Variants in GTF2E1 observed in about 807,000 individuals in gnomAD.
GTF2E1 encodes TFIIE alpha subunit.
GTF2E1 carries 14 observed loss-of-function variants against 34.9 expected under a neutral mutation model. That is an observed-to-expected ratio of 0.40 (90% CI 0.27 to 0.63). GTF2E1 has a LOEUF of 0.63. Ranked by LOEUF, GTF2E1 falls within the 20% of genes least tolerant of loss-of-function variation. The pLI, the probability that GTF2E1 is intolerant of heterozygous loss-of-function variation, is 0.39. For synonymous variants in GTF2E1, 188 were observed against 192.9 expected (o/e 0.97, Z 0.21); for missense variants, 469 against 557.7 (o/e 0.84, Z 1.60).
At chr3:120,766,128 C>T (rs760649782) in intron 2 of GTF2E1, among the ~76,000 whole-genome samples, 2 of 152,192 alleles carry the variant, frequency 1.3e-5, no homozygotes, top group Admixed American at 6.5e-5. Flanking sequence ...AATAGCAGCT[C>T]TCTACCAGGT....
intron 2 of GTF2E1, among the ~76,000 whole-genome samples, chr3:120,768,195 T>C (rs1709324744): frequency 6.6e-6 from 1 of 152,170 alleles, no homozygotes; most frequent in Non-Finnish European, 1.5e-5. Context: ...TACGATTGTT[T>C]GGGTGGACAA....
At chr3:120,755,494 A>T (rs1247447518) in intron 2 of GTF2E1, among the ~76,000 whole-genome samples, 2 of 152,088 alleles carry the variant, frequency 1.3e-5, no homozygotes, top group Non-Finnish European at 2.9e-5. Context: ...ATTAAAAGAA[A>T]TTTTTTGTGG....
chr3:120,750,956 C>A lies in GTF2E1; in HGVS notation c.404C>A (p.Thr135Asn). 1 of 1,613,726 alleles carries A rather than the reference C, an allele frequency of 6.2e-7. No homozygotes were observed. Among genetic ancestry groups the A allele is most frequent in the Non-Finnish European group, 8.5e-7 (1 of 1,179,718 alleles). Residue 135 changes from threonine (T) to asparagine (N), a missense_variant, in exon 2 of 5, where the codon ACT becomes AAT. Physicochemically the swap from Thr to Asn is moderately conservative, Grantham distance 65. Transcript: ENST00000283875. Reference sequence around the variant, plus strand: ...TTCAAATGTCCTGTCTGTAGTAGTACTTTCACAGACTTAGAAGCTAATCAG... The same window carrying A: ...TTCAAATGTCCTGTCTGTAGTAGTAATTTCACAGACTTAGAAGCTAATCAG... ...ASFKCPVCSS[T>N]FTDLEANQLF... is the part of the protein sequence containing the mutation.
At chr3:120,748,878 C>T (rs938865947) in intron 1 of GTF2E1, among the ~76,000 whole-genome samples, 1 of 152,196 alleles carries the variant, frequency 6.6e-6, no homozygotes, top group African/African-American at 2.4e-5. Flanking sequence ...TCTTCCTACC[C>T]ATGAGCATGG....
chr3:120,781,396 G>A lies in GTF2E1; in HGVS notation c.1246G>A (p.Ala416Thr). 1 of 1,614,130 alleles carries A rather than the reference G, an allele frequency of 6.2e-7. No homozygotes were observed. The highest frequency in any genetic ancestry group is 8.5e-7 in the Non-Finnish European group (1 of 1,179,980). The change falls in exon 5 of 5, where the codon GCC (alanine) becomes ACC (threonine). Residue 416 changes from alanine (A) to threonine (T), a missense_variant. Transcript: ENST00000283875. ...SEVSQRPELVAQMTPEEKEAY... is the reference protein window; with the variant it reads ...SEVSQRPELVTQMTPEEKEAY... The stretch of plus-strand genomic sequence containing the variant: ...AGTGAGCCAACGGCCAGAGCTAGTG[G>A]CCCAGATGACACCAGAAGAAAAGGA...
At chr3:120,743,150 A>G (rs1262048005) in intron 1 of GTF2E1, among the ~76,000 whole-genome samples, 1 of 152,212 alleles carries the variant, frequency 6.6e-6, no homozygotes, top group Non-Finnish European at 1.5e-5. Context: ...GAAGGCGTGG[A>G]AAGTGCCATG....
At chr3:120,778,964 C>T (rs1256465932) in intron 4 of GTF2E1, among the ~76,000 whole-genome samples, 1 of 152,124 alleles carries the variant, frequency 6.6e-6, no homozygotes, top group Non-Finnish European at 1.5e-5. Context: ...TGCAACTTGG[C>T]CTTTCAGTAC....
chr3:120,748,949 C>T (rs999209735), intron 1 of GTF2E1, among the ~76,000 whole-genome samples: 13 of 152,168 alleles, frequency 8.5e-5, no homozygotes, highest in Non-Finnish European at 1.6e-4. Context: ...TGTAGTTGTC[C>T]TTGAAGAGGT....
chr3:120,777,732 A>G (rs1295091490), intron 4 of GTF2E1, among the ~76,000 whole-genome samples: 2 of 152,080 alleles, frequency 1.3e-5, no homozygotes, highest in Non-Finnish European at 2.9e-5. Flanking sequence ...TTAGCCTGCC[A>G]TGTTAGTTTT....
intron 4 of GTF2E1, among the ~76,000 whole-genome samples, 184 bp from the exon 5 acceptor site, chr3:120,780,859 G>A (rs1217392051): frequency 6.6e-6 from 1 of 152,138 alleles, no homozygotes; most frequent in African/African-American, 2.4e-5. Flanking sequence ...TGACCATTAT[G>A]CTACTTAAGC....
At chr3:120,751,242 C>T (rs1709162912) in intron 2 of GTF2E1, among the ~76,000 whole-genome samples, 1 of 152,148 alleles carries the variant, frequency 6.6e-6, no homozygotes, top group Admixed American at 6.6e-5. Context: ...TGCCTCTGCC[C>T]ACCCCACCTT....
chr3:120,760,752 G>T (rs1434056851), intron 2 of GTF2E1, among the ~76,000 whole-genome samples: 1 of 152,118 alleles, frequency 6.6e-6, no homozygotes, highest in Admixed American at 6.5e-5. Flanking sequence ...TGTTGAACCA[G>T]CCTTGCATCC....
At chr3:120,775,389 G>T (rs536481018) in intron 3 of GTF2E1, among the ~76,000 whole-genome samples, 10 of 152,170 alleles carry the variant, frequency 6.6e-5, no homozygotes, top group Admixed American at 3.9e-4. Context: ...GGAGTGAGCA[G>T]GCAGTTCAAG....
chr3:120,744,927 CTT>C (rs35806612), intron 1 of GTF2E1, among the ~76,000 whole-genome samples: 2 of 146,438 alleles, frequency 1.4e-5, no homozygotes, highest in Non-Finnish European at 1.5e-5. Context: ...CCATTAATCA[CTT>C]TTTTTTTTTT....
At chr3:120,746,104 G>C (rs1709102827) in intron 1 of GTF2E1, among the ~76,000 whole-genome samples, 1 of 152,072 alleles carries the variant, frequency 6.6e-6, no homozygotes, top group African/African-American at 2.4e-5. Context: ...ATAGATTGGT[G>C]TATAGAGTTT....
At chr3:120,753,904 C>T (rs1576356912) in intron 2 of GTF2E1, among the ~76,000 whole-genome samples, 2 of 152,260 alleles carry the variant, frequency 1.3e-5, no homozygotes, top group African/African-American at 4.8e-5. Flanking sequence ...AGCCTTTGCA[C>T]ACTAGTCAAT....
Position 120,744,672 on chromosome 3 carries a change from A to T in GTF2E1, c.-31+1878A>T, listed in dbSNP as rs913165795. Among the ~76,000 whole-genome samples the T allele has an allele frequency of 2.6e-5, 4 of 151,762 alleles. No individual in the cohort carries two copies. In the East Asian group the frequency reaches 5.8e-4, roughly 22 times the overall value. On this transcript the variant is annotated intron_variant, in intron 1 of 4. Transcript: ENST00000283875. ...TTTTTTTCTGTAATAACTTTCATTC[A>T]TTCTGTTCTCTTCTTGCAATTTTTT...
chr3:120,751,909 G>A (rs1441658819), intron 2 of GTF2E1, among the ~76,000 whole-genome samples: 2 of 152,006 alleles, frequency 1.3e-5, no homozygotes, highest in Non-Finnish European at 2.9e-5. Flanking sequence ...TCGTCTGAAA[G>A]TTTAAACTTT....
intron 2 of GTF2E1, among the ~76,000 whole-genome samples, chr3:120,756,220 C>T (rs1166637945): frequency 6.6e-6 from 1 of 152,142 alleles, no homozygotes; most frequent in Admixed American, 6.5e-5. Flanking sequence ...AATTTACATT[C>T]CCACCAACAG....
Sources: gnomAD v4.1 joint callset for allele counts (sites outside exome capture counted in the v4.1 genomes callset) on GRCh38, gnomAD v4.1.1 for gene constraint, MANE v1.5 for transcripts, NCBI Gene and HGNC (gene_info 2026-07-23, HGNC 2026-07-21) for gene names.